Variants in TBC1D23 observed in about 807,000 individuals in gnomAD.
The protein encoded by TBC1D23 is HCV non-structural protein 4A-transactivated protein 1.
TBC1D23 carries 55 observed loss-of-function variants against 91.4 expected under a neutral mutation model. The ratio of observed to expected loss-of-function variants is 0.60; its 90% CI spans 0.48 to 0.75. TBC1D23 has a LOEUF of 0.75. Among genes scored for constraint, TBC1D23 ranks in the 30% least tolerant of loss-of-function variants. The pLI, the probability that TBC1D23 is intolerant of heterozygous loss-of-function variation, is 0.00. For synonymous variants in TBC1D23, 289 were observed against 281.0 expected, an observed-to-expected ratio of 1.03 and a Z score of -0.28; for missense variants, 725 against 836.1, an observed-to-expected ratio of 0.87 and a Z score of 1.64.
At chr3:100,284,070 AG>A (rs1414130596) in intron 4 of TBC1D23, 1 of 382,506 alleles carries the variant, frequency 2.6e-6, no homozygotes, top group Non-Finnish European at 4.7e-6. Flanking sequence ...TTAGGTCAAA[AG>A]GATACAAAAT....
intron 18 of TBC1D23, 47 bp from the exon 19 acceptor site, chr3:100,323,540 C>A: frequency 1.1e-6 from 1 of 886,068 alleles, no homozygotes; most frequent in Non-Finnish European, 1.5e-6. Flanking sequence ...TATACATATA[C>A]ATATGTATAT....
chr3:100,283,845 A>G, intron 4 of TBC1D23, 34 bp downstream of exon 4: 1 of 1,387,662 alleles, frequency 7.2e-7, no homozygotes, highest in Non-Finnish European at 1.0e-6. Context: ...AGTTTTTAAA[A>G]GTGAATACAG....
At position 100,263,428 on chromosome 3, in the gene TBC1D23, C is replaced by T. The variant is rs565698363; in HGVS notation, c.53+2357C>T. On this transcript the variant is annotated intron_variant, in intron 1 of 18. Transcript: ENST00000394144. Reference sequence around the variant, plus strand: ...GTGCAAGTCACAGGGGATGCGATGGCTTGGCTTGGGCTCAGAGGCCTGACA... The same window carrying T: ...GTGCAAGTCACAGGGGATGCGATGGTTTGGCTTGGGCTCAGAGGCCTGACA... 9.8e-5 allele frequency among the ~76,000 whole-genome samples: 15 copies of T among 152,320 alleles called. 1 individual carries two copies. In the South Asian group the frequency reaches 2.1e-3, roughly 21 times the overall value.
In TBC1D23 at chr3:100,283,723, C is replaced by A; in HGVS notation, c.388C>A (p.His130Asn). ...ATATAGCACATCCCTTAGCTGGATACATCTACTGAAACCATTGGTGCATCT... is the reference window on the plus strand; with the variant it reads ...ATATAGCACATCCCTTAGCTGGATAAATCTACTGAAACCATTGGTGCATCT... ...IKYSTSLSWI[H>N]LLKPLVHLQL... is the part of the protein sequence containing the mutation. The change falls in exon 4 of 19, where the codon CAT (histidine) becomes AAT (asparagine). Residue 130 changes from histidine to asparagine, a missense_variant. Transcript: ENST00000394144. 1.2e-6 allele frequency: 2 copies of A among 1,612,698 alleles called. No homozygotes were observed. The highest frequency in any genetic ancestry group is 1.7e-6 in the Non-Finnish European group (2 of 1,178,702).
chr3:100,323,002 G>A (rs1705889195), intron 18 of TBC1D23, among the ~76,000 whole-genome samples: 1 of 152,080 alleles, frequency 6.6e-6, no homozygotes, highest in African/African-American at 2.4e-5. Context: ...TTAATCTATG[G>A]TGTTGATATT....
At chr3:100,296,802 G>A (rs2067845211) in intron 8 of TBC1D23, among the ~76,000 whole-genome samples, 1 of 150,596 alleles carries the variant, frequency 6.6e-6, no homozygotes, top group South Asian at 2.1e-4. Context: ...GGAGTTTGCA[G>A]TGAGCTGAGA....
intron 1 of TBC1D23, among the ~76,000 whole-genome samples, chr3:100,262,235 A>T (rs2067517408): frequency 6.6e-6 from 1 of 152,046 alleles, no homozygotes; most frequent in Non-Finnish European, 1.5e-5. Context: ...AATTAATCTT[A>T]TTCTTTGTGA....
At chr3:100,302,691 A>G (rs1338474363) in intron 11 of TBC1D23, among the ~76,000 whole-genome samples, 1 of 152,046 alleles carries the variant, frequency 6.6e-6, no homozygotes, top group Non-Finnish European at 1.5e-5. Flanking sequence ...GATTCAAACA[A>G]TTTTCCTGCC....
At chr3:100,290,795 G>A in intron 5 of TBC1D23, 94 bp downstream of exon 5, 1 of 1,132,662 alleles carries the variant, frequency 8.8e-7, no homozygotes, top group Middle Eastern at 2.8e-4. Flanking sequence ...AGAAAGAAAA[G>A]TCCTAATTAT....
chr3:100,271,082 A>C (rs983351357), intron 1 of TBC1D23, among the ~76,000 whole-genome samples: 1 of 152,186 alleles, frequency 6.6e-6, no homozygotes, highest in Non-Finnish European at 1.5e-5. Context: ...TGAATTTAAA[A>C]CATTTTTTTT....
At chr3:100,261,269 T>G (rs1431258262) in intron 1 of TBC1D23, 198 bp downstream of exon 1, 1 of 591,754 alleles carries the variant, frequency 1.7e-6, no homozygotes, top group African/African-American at 1.9e-5. Flanking sequence ...GGGGCGGGAC[T>G]CCCAAGGAGA....
intron 11 of TBC1D23, among the ~76,000 whole-genome samples, chr3:100,302,933 T>C (rs1362274297): frequency 1.3e-5 from 2 of 152,210 alleles, no homozygotes; most frequent in African/African-American, 4.8e-5. Flanking sequence ...CCTAGTACTT[T>C]TTACAGTAAC....
At chr3:100,282,907 C>CATATATGTCAACATATAT (rs556267094) in intron 3 of TBC1D23, among the ~76,000 whole-genome samples, 137 of 152,252 alleles carry the variant, frequency 9.0e-4, no homozygotes, top group African/African-American at 3.2e-3. Context: ...TTATGTTTGA[C>CATATATGTCAACATATAT]ATATATATAG....
At chr3:100,275,368 G>A (rs138681082) in intron 1 of TBC1D23, among the ~76,000 whole-genome samples, 8 of 152,158 alleles carry the variant, frequency 5.3e-5, no homozygotes, top group African/African-American at 1.9e-4. Flanking sequence ...CCTTACTGCA[G>A]CCTCTGCCTC....
At chr3:100,309,450 G>T (rs909532567) in intron 13 of TBC1D23, among the ~76,000 whole-genome samples, 2 of 152,024 alleles carry the variant, frequency 1.3e-5, no homozygotes, top group Non-Finnish European at 2.9e-5. Context: ...ACTCACATAT[G>T]TGCAAATAGT....
intron 3 of TBC1D23, 50 bp from the exon 4 acceptor site, chr3:100,283,557 C>A: frequency 8.0e-7 from 1 of 1,252,774 alleles, no homozygotes; most frequent in African/African-American, 1.5e-5. Context: ...TGTCCAATAA[C>A]AGCCCCTGAC....
Position 100,323,685 on chromosome 3 carries a change from A to G in TBC1D23, c.*17A>G. The G allele has an allele frequency of 1.5e-6, 2 of 1,344,016 alleles. 1 individual carries two copies. The highest frequency in any genetic ancestry group is 3.0e-5 in the South Asian group (2 of 66,162). The allele number at this position is 1,344,016 out of a possible 1,614,324, so 83.3% of individuals were successfully genotyped here. A position where few individuals can be genotyped will look rare whatever the true frequency, so the allele number is the denominator to read the frequency against. On this transcript the variant is annotated 3_prime_UTR_variant, in exon 19 of 19. Transcript: ENST00000394144. Reference sequence around the variant, plus strand: ...GAAAGTTAATATAAAAGAAAATTATATAAAAAGAAATTAAGACAACCAAGA... The same window carrying G: ...GAAAGTTAATATAAAAGAAAATTATGTAAAAAGAAATTAAGACAACCAAGA...
chr3:100,297,920 C>A lies in TBC1D23; in HGVS notation c.877-3C>A. The A allele has an allele frequency of 1.9e-6, 3 of 1,577,148 alleles. No individual in the cohort carries two copies. The highest frequency in any genetic ancestry group is 2.6e-6 in the Non-Finnish European group (3 of 1,161,092). ...TAATGTTTAAAAATTTCCCTTCAAA[C>A]AGGATAATCACCATCTCTTTGGTAG... On this transcript the variant is annotated splice_polypyrimidine_tract_variant and splice_region_variant and intron_variant, in intron 8 of 18. Coordinates refer to ENST00000394144, the MANE Select transcript of TBC1D23 (RefSeq NM_001199198.3).
chr3:100,290,651 T>C lies in TBC1D23; in HGVS notation c.550T>C (p.Ser184Pro). ...CCAATACCATGAGCCTGAGCTTTGTTCTTATCTTGATACAAAGAAAATTAC... is the reference window on the plus strand; with the variant it reads ...CCAATACCATGAGCCTGAGCTTTGTCCTTATCTTGATACAAAGAAAATTAC... ...LIQYHEPELCSYLDTKKITPD... is the reference protein window; with the variant it reads ...LIQYHEPELCPYLDTKKITPD... Residue 184 changes from serine to proline, a missense_variant, in exon 5 of 19, where the codon TCT becomes CCT. Transcript: ENST00000394144. The C allele has an allele frequency of 6.2e-7, 1 of 1,613,144 alleles. No homozygotes were observed.
Sources: gnomAD v4.1 joint callset for allele counts (sites outside exome capture counted in the v4.1 genomes callset) on GRCh38, gnomAD v4.1.1 for gene constraint, MANE v1.5 for transcripts, NCBI Gene and HGNC (gene_info 2026-07-23, HGNC 2026-07-21) for gene names.